The following SULF2 variants were observed in gnomAD, a reference collection of about 807,000 sequenced individuals.
SULF2 encodes extracellular sulfatase Sulf-2.
SULF2 carries 52 observed loss-of-function variants against 107.7 expected under a neutral mutation model. The observed-to-expected ratio is 0.48, with a 90% CI of 0.39 to 0.61. The LOEUF is 0.61. SULF2 is among the 20% of genes least tolerant of loss of function. The pLI is 0.00. For synonymous variants in SULF2, 460 were observed against 464.3 expected (o/e 0.99, Z 0.12); for missense variants, 993 against 1,177.3 (o/e 0.84, Z 2.29).
intron 1 of SULF2, among the ~76,000 whole-genome samples, chr20:47,778,493 G>A (rs1016273722): frequency 1.3e-5 from 2 of 152,244 alleles, no homozygotes; most frequent in Non-Finnish European, 2.9e-5. Flanking sequence ...CACATTAAGA[G>A]AACGTGGGGA....
chr20:47,725,970 C>T (rs928207641), intron 3 of SULF2, among the ~76,000 whole-genome samples: 1 of 152,140 alleles, frequency 6.6e-6, no homozygotes, highest in African/African-American at 2.4e-5. Context: ...AGAACAGGAA[C>T]CTGTCCTGAG....
At chr20:47,667,807 T>G (rs983506660) in intron 11 of SULF2, among the ~76,000 whole-genome samples, 2 of 152,052 alleles carry the variant, frequency 1.3e-5, no homozygotes, top group African/African-American at 4.8e-5. Flanking sequence ...GAGGACCAGC[T>G]GGAGGCAGGT....
intron 2 of SULF2, among the ~76,000 whole-genome samples, chr20:47,744,637 C>T (rs931148396): frequency 6.6e-6 from 1 of 152,114 alleles, no homozygotes; most frequent in Non-Finnish European, 1.5e-5. Context: ...CTCCAGGGCT[C>T]AAGTGATCCT....
intron 3 of SULF2, chr20:47,706,846 T>G (rs1188282601): frequency 6.6e-6 from 1 of 152,128 alleles, no homozygotes; most frequent in Non-Finnish European, 1.5e-5. Flanking sequence ...TTCATCAGAG[T>G]GCAGTGTTGA....
At chr20:47,778,740 C>T (rs991513287) in intron 1 of SULF2, among the ~76,000 whole-genome samples, 2 of 152,068 alleles carry the variant, frequency 1.3e-5, no homozygotes, top group East Asian at 1.9e-4. Flanking sequence ...AGGCTCAGCC[C>T]GAGCCTTCAG....
intron 6 of SULF2, 170 bp downstream of exon 6, chr20:47,684,261 T>G (rs2087922645): frequency 1.0e-5 from 6 of 593,624 alleles, no homozygotes; most frequent in East Asian, 3.3e-5. Flanking sequence ...GGAAGAGGCT[T>G]TTGTCTGGAT....
intron 4 of SULF2, among the ~76,000 whole-genome samples, chr20:47,700,487 C>T (rs1426576762): frequency 6.6e-5 from 10 of 152,146 alleles, no homozygotes; most frequent in East Asian, 1.9e-4. Context: ...TACTAACTCA[C>T]GTGATCCTCA....
At chr20:47,674,393 G>C (rs1003874621) in intron 10 of SULF2, among the ~76,000 whole-genome samples, 2 of 152,254 alleles carry the variant, frequency 1.3e-5, no homozygotes, top group African/African-American at 4.8e-5. Flanking sequence ...CTGTGAGGCT[G>C]TGGGCAGTTT....
At chr20:47,690,868 C>CAAAA (rs35385474) in intron 4 of SULF2, among the ~76,000 whole-genome samples, 1,695 of 135,392 alleles carry the variant, frequency 0.013, 21 homozygotes, top group Non-Finnish European at 0.019. Flanking sequence ...GACTCTGACT[C>CAAAA]AAAAAAAAAA....
chr20:47,721,262 G>A (rs1293315502), intron 3 of SULF2, among the ~76,000 whole-genome samples: 2 of 152,184 alleles, frequency 1.3e-5, no homozygotes, highest in African/African-American at 4.8e-5. Flanking sequence ...AACAAATGAG[G>A]AAGGTGGGGT....
rs952044029 is a variant in SULF2 at position 47,684,712 on chromosome 20, T to C, written c.738-131A>G. 14 of 862,156 alleles carry C rather than the reference T, an allele frequency of 1.6e-5. No individual in the cohort carries two copies. In the African/African-American group the frequency reaches 2.3e-4, roughly 14 times the overall value. The allele number at this position is 862,156 out of a possible 1,614,324, so 53.4% of individuals were successfully genotyped here. On this transcript the variant is annotated intron_variant, in intron 5 of 20. Transcript: ENST00000688720. Reference sequence around the variant, plus strand: ...CAGCCCAGGGCCAGGTGTGATCTCCTGGTGGGAAAGGGGACATTGGCATGT... The same window carrying C: ...CAGCCCAGGGCCAGGTGTGATCTCCCGGTGGGAAAGGGGACATTGGCATGT...
intron 4 of SULF2, among the ~76,000 whole-genome samples, chr20:47,701,963 T>G (rs1482302078): frequency 1.3e-5 from 2 of 152,200 alleles, no homozygotes; most frequent in Non-Finnish European, 2.9e-5. Context: ...TGGTACACTC[T>G]GTGTATGTAC....
At position 47,753,306 on chromosome 20, in the gene SULF2, T is replaced by A. The variant is rs532352043; in HGVS notation, c.175+3883A>T. ...TCTGGCTGTGTCCTTAACCCTCTGA[T>A]ACAAGAGCCACCACCAAGTGGTCCC... On this transcript the variant is annotated intron_variant, in intron 2 of 20. Coordinates refer to ENST00000688720, the MANE Select transcript of SULF2 (RefSeq NM_001387048.1). Among the ~76,000 whole-genome samples the A allele has an allele frequency of 3.9e-5, 6 of 152,230 alleles. No homozygotes were observed. The South Asian group carries it at 1.2e-3, about 32-fold the overall frequency.
In SULF2 at chr20:47,664,141, C is replaced by G. The variant is rs1195597234; in HGVS notation, c.2046G>C (p.Leu682=). 1 of 1,613,560 alleles carries G rather than the reference C, an allele frequency of 6.2e-7. No individual in the cohort carries two copies. Among genetic ancestry groups the G allele is most frequent in the Admixed American group, 1.7e-5 (1 of 59,956 alleles). Residue 682 remains leucine (L), a synonymous_variant, in exon 15 of 21, where the codon CTG becomes CTC. Coordinates refer to ENST00000688720, the MANE Select transcript of SULF2 (RefSeq NM_001387048.1). The stretch of plus-strand genomic sequence containing the variant: ...CAAGCTGCTCTTACCTGAAAGGATG[C>G]AGACTGGAGCCTCTGTGCTTGAGGC... The part of the protein sequence containing the change: ...KGRLKHRGSS[L]HPFRKGLQEK...
chr20:47,687,714 T>TG (rs1026066234), intron 5 of SULF2, among the ~76,000 whole-genome samples: 24 of 146,812 alleles, frequency 1.6e-4, no homozygotes, highest in South Asian at 1.1e-3. Flanking sequence ...CATGTGTGTG[T>TG]TTTTTTTTTT....
chr20:47,688,004 T>A (rs185763309), intron 5 of SULF2, among the ~76,000 whole-genome samples: 12 of 152,106 alleles, frequency 7.9e-5, no homozygotes, highest in Non-Finnish European at 1.8e-4. Context: ...TGTGTGTCTG[T>A]ATGTATGTGA....
At position 47,680,695 on chromosome 20, in the gene SULF2, G is replaced by A. The variant is rs1186011947; in HGVS notation, c.1065-1891C>T. Among the ~76,000 whole-genome samples, 2 of 152,244 alleles carry A rather than the reference G, an allele frequency of 1.3e-5. No homozygotes were observed. Among genetic ancestry groups the A allele is most frequent in the Admixed American group, 6.5e-5 (1 of 15,290 alleles). On this transcript the variant is annotated intron_variant, in intron 7 of 20. Coordinates refer to ENST00000688720, the MANE Select transcript of SULF2 (RefSeq NM_001387048.1). The surrounding 1 kb of genome is among the most constrained non-coding windows in gnomAD (Gnocchi z 4.2). ...GGGGGCTCGAAGGCCAGCGTGAGGCGCTACAACTGAATCCAGAGGCGAGGG... is the reference window on the plus strand; with the variant it reads ...GGGGGCTCGAAGGCCAGCGTGAGGCACTACAACTGAATCCAGAGGCGAGGG...
chr20:47,659,671 T>G, intron 19 of SULF2, 26 bp downstream of exon 19: 1 of 1,600,156 alleles, frequency 6.2e-7, no homozygotes, highest in Non-Finnish European at 8.6e-7. Flanking sequence ...GAACTTTGTT[T>G]AGGCTTTAAT....
chr20:47,676,211 CAAGA>C (rs1265473839), intron 10 of SULF2, among the ~76,000 whole-genome samples: 1 of 152,236 alleles, frequency 6.6e-6, no homozygotes, highest in Non-Finnish European at 1.5e-5. Flanking sequence ...GGCCTTCGTG[CAAGA>C]GAGATCGGCA....
Sources: gnomAD v4.1 joint callset for allele counts (sites outside exome capture counted in the v4.1 genomes callset) on GRCh38, gnomAD v4.1.1 for gene constraint, Gnocchi (gnomAD v3.1) non-coding constraint, MANE v1.5 for transcripts, NCBI Gene and HGNC (gene_info 2026-07-23, HGNC 2026-07-21) for gene names.